The following GNAO1 variants were observed in gnomAD, a reference collection of about 807,000 sequenced individuals.
The protein encoded by GNAO1 is guanine nucleotide-binding protein G(o) subunit alpha.
For synonymous variants in GNAO1, 164 were observed against 180.7 expected (o/e 0.91, Z 0.74); for missense variants, 166 against 478.7 (o/e 0.35, Z 6.10).
intron 2 of GNAO1, among the ~76,000 whole-genome samples, chr16:56,204,761 A>G (rs2036311161): frequency 6.6e-6 from 1 of 152,182 alleles, no homozygotes; most frequent in Non-Finnish European, 1.5e-5. Context: ...TTTATGGTAG[A>G]AATAGGTCTG....
At position 56,315,297 on chromosome 16, in the gene GNAO1, T is replaced by C. The variant is rs1231000124; in HGVS notation, c.304-13334T>C. ...GAGATGAGGTCGGCCATTATCATTT[T>C]TCCTTCCCTTTGACTGAGCTCTGTG... On this transcript the variant is annotated intron_variant, in intron 3 of 8. Transcript: ENST00000262493. Among the ~76,000 whole-genome samples, 3 of 152,256 alleles carry C rather than the reference T, an allele frequency of 2.0e-5. No individual in the cohort carries two copies. The East Asian group carries it at 5.8e-4, about 29-fold the overall frequency.
intron 2 of GNAO1, chr16:56,213,417 T>C: frequency 2.5e-6 from 1 of 398,296 alleles, no homozygotes. Context: ...ATAGTAGTAT[T>C]ATACATCAGC....
rs569869267 is a variant in GNAO1, at chr16:56,354,537, G to A, written c.878-329G>A. On this transcript the variant is annotated intron_variant, in intron 7 of 8. Coordinates refer to ENST00000262493, the MANE Select transcript of GNAO1 (RefSeq NM_020988.3). The surrounding 1 kb of genome is among the most constrained non-coding windows in gnomAD (Gnocchi z 4.3). ...CTAAAAATACAAAAATTAGCTGGGC[G>A]TGGTGGCACGCGCCTGTATTACCAG... Among the ~76,000 whole-genome samples, 130 of 152,290 alleles carry A rather than the reference G, an allele frequency of 8.5e-4. 3 individuals are homozygous for A. Among genetic ancestry groups the A allele is most frequent in the African/African-American group, 2.9e-3 (121 of 41,560 alleles).
At chr16:56,316,674 C>T (rs1257742588) in intron 3 of GNAO1, among the ~76,000 whole-genome samples, 1 of 152,158 alleles carries the variant, frequency 6.6e-6, no homozygotes, top group Non-Finnish European at 1.5e-5. Flanking sequence ...ACCCTGCCTC[C>T]CTGGGGTGGC....
In GNAO1 at chr16:56,348,052, A is replaced by T. The variant is rs950769712; in HGVS notation, c.724-3332A>T. The T allele has an allele frequency of 3.9e-5, 38 of 969,902 alleles. No homozygotes were observed. In the African/African-American group the frequency reaches 6.3e-4, roughly 16 times the overall value. 60.1% of individuals were successfully genotyped at this position (969,902 alleles called of 1,614,324 possible). ...TGCAGTGGTCCCACCTCCCAACCCCATCACTGCTGCCCACCCCATATTAAC... is the reference window on the plus strand; with the variant it reads ...TGCAGTGGTCCCACCTCCCAACCCCTTCACTGCTGCCCACCCCATATTAAC... On this transcript the variant is annotated intron_variant, in intron 6 of 8. Coordinates refer to ENST00000262493, the MANE Select transcript of GNAO1 (RefSeq NM_020988.3).
At chr16:56,251,047 G>A (rs1260466587) in intron 2 of GNAO1, among the ~76,000 whole-genome samples, 5 of 152,178 alleles carry the variant, frequency 3.3e-5, no homozygotes, top group Non-Finnish European at 5.9e-5. Context: ...TTTTACCCCC[G>A]AGTCTAAGAT....
intron 6 of GNAO1, chr16:56,344,232 G>GGGGAC: frequency 7.3e-7 from 1 of 1,373,838 alleles, no homozygotes; most frequent in Non-Finnish European, 9.4e-7. Context: ...GGGAAGCTGG[G>GGGGAC]GGGACAGGGC....
At chr16:56,293,438 G>A (rs1052842655) in intron 3 of GNAO1, among the ~76,000 whole-genome samples, 1 of 152,102 alleles carries the variant, frequency 6.6e-6, no homozygotes, top group Non-Finnish European at 1.5e-5. Flanking sequence ...CCTGTCTCCT[G>A]TCCCAGCTCT....
intron 3 of GNAO1, among the ~76,000 whole-genome samples, chr16:56,287,794 G>C (rs2037188158): frequency 6.6e-6 from 1 of 152,140 alleles, no homozygotes; most frequent in African/African-American, 2.4e-5. Flanking sequence ...GTGGAGCTGA[G>C]GAGAGCTGCT....
intron 3 of GNAO1, among the ~76,000 whole-genome samples, chr16:56,327,930 C>G (rs765785989): frequency 6.6e-6 from 1 of 152,144 alleles, no homozygotes; most frequent in South Asian, 2.1e-4. Context: ...ACAAACAAAT[C>G]AAGAAAAATT....
chr16:56,211,255 T>G (rs1305488032), intron 2 of GNAO1, among the ~76,000 whole-genome samples: 1 of 152,172 alleles, frequency 6.6e-6, no homozygotes, highest in Non-Finnish European at 1.5e-5. Flanking sequence ...TTTTTATAGA[T>G]GAGGAAAGTA....
chr16:56,275,801 G>C, intron 2 of GNAO1, 130 bp from the exon 3 acceptor site: 1 of 602,900 alleles, frequency 1.7e-6, no homozygotes, highest in South Asian at 5.4e-5. Context: ...TGACATTAAT[G>C]TAGCAACTCA....
At chr16:56,327,592 T>G (rs2037648479) in intron 3 of GNAO1, among the ~76,000 whole-genome samples, 1 of 152,172 alleles carries the variant, frequency 6.6e-6, no homozygotes, top group South Asian at 2.1e-4. Flanking sequence ...TGCAGGAGCC[T>G]TCTTATCTTC....
At chr16:56,334,508 G>A (rs1441163947) in intron 4 of GNAO1, among the ~76,000 whole-genome samples, 4 of 152,278 alleles carry the variant, frequency 2.6e-5, no homozygotes, top group South Asian at 2.1e-4. Flanking sequence ...AGCTGCATGC[G>A]TAGCCCTTTT....
At chr16:56,258,356 A>G (rs1368029389) in intron 2 of GNAO1, among the ~76,000 whole-genome samples, 14 of 152,336 alleles carry the variant, frequency 9.2e-5, no homozygotes, top group Non-Finnish European at 1.5e-5. Context: ...ATTCATTCCT[A>G]TCATGAGGAC....
intron 3 of GNAO1, among the ~76,000 whole-genome samples, chr16:56,279,834 TG>T (rs2037098221): frequency 6.6e-6 from 1 of 152,192 alleles, no homozygotes; most frequent in Non-Finnish European, 1.5e-5. Context: ...CAAGGGGGCC[TG>T]GCCCACCAAT....
chr16:56,283,314 C>A (rs1393492256), intron 3 of GNAO1, among the ~76,000 whole-genome samples: 1 of 152,186 alleles, frequency 6.6e-6, no homozygotes, highest in African/African-American at 2.4e-5. Context: ...CAGTCACCTA[C>A]CTAAGCAGGA....
At chr16:56,344,650 G>C (rs1044559201) in intron 6 of GNAO1, 1 of 985,764 alleles carries the variant, frequency 1.0e-6, no homozygotes. Flanking sequence ...TGGAGCGGGG[G>C]GAGGGAGAGA....
At chr16:56,347,630 C>T in intron 6 of GNAO1, 1 of 962,522 alleles carries the variant, frequency 1.0e-6, no homozygotes, top group Non-Finnish European at 1.2e-6. Context: ...GAGGGGCTCC[C>T]CCTGGAACAG....
Sources: allele counts gnomAD v4.1 joint callset (sites outside exome capture counted in the v4.1 genomes callset), GRCh38; gene constraint gnomAD v4.1.1; non-coding constraint Gnocchi (gnomAD v3.1); transcripts MANE v1.5; gene names NCBI Gene and HGNC (gene_info 2026-07-23, HGNC 2026-07-21).